The following GAP43 variants were observed in gnomAD, a reference collection of about 807,000 sequenced individuals.
GAP43 encodes growth associated protein 43, also known as neuromodulin.
A neutral mutation model predicts 18.6 loss-of-function variants in GAP43; 6 were observed. The ratio of observed to expected loss-of-function variants is 0.32; its 90% confidence interval spans 0.18 to 0.64. The LOEUF (loss-of-function observed/expected upper bound fraction) is 0.64, where lower values mean the gene tolerates loss of function less well. GAP43 is among the 30% of genes least tolerant of loss of function. GAP43 has a pLI of 0.78. For synonymous variants in GAP43, 115 were observed against 111.4 expected (o/e 1.03, Z -0.20); for missense variants, 292 against 295.5 (o/e 0.99, Z 0.09).
chr3:115,626,474 A>C (rs1708189733), intron 1 of GAP43, among the ~76,000 whole-genome samples: 1 of 152,186 alleles, frequency 6.6e-6, no homozygotes, highest in Admixed American at 6.5e-5. Flanking sequence ...GAAGAAGAGA[A>C]TGAGAGTGGG....
At chr3:115,627,480 C>G (rs1708204720) in intron 1 of GAP43, among the ~76,000 whole-genome samples, 1 of 151,638 alleles carries the variant, frequency 6.6e-6, no homozygotes, top group Non-Finnish European at 1.5e-5. Flanking sequence ...TCCTTTGCCT[C>G]TGTCATAGTG....
chr3:115,693,986 G>GA (rs1388326241), intron 2 of GAP43, among the ~76,000 whole-genome samples: 1 of 152,208 alleles, frequency 6.6e-6, no homozygotes, highest in Admixed American at 6.5e-5. Flanking sequence ...TATTAATGGA[G>GA]TTGAGCATCC....
chr3:115,666,514 T>C (rs1468253792), intron 1 of GAP43, among the ~76,000 whole-genome samples: 1 of 152,172 alleles, frequency 6.6e-6, no homozygotes, highest in East Asian at 1.9e-4. Context: ...GCAATAATTA[T>C]GATGAGAATA....
chr3:115,698,237 A>AAATATATATAATATATAATATATATAT, intron 2 of GAP43, among the ~76,000 whole-genome samples: 1 of 36,640 alleles, frequency 2.7e-5, no homozygotes, highest in African/African-American at 1.0e-4. Context: ...AATATATATA[A>AAATATATATAATATATAATATATATAT]AATATATATA....
At position 115,623,564 on chromosome 3, in the gene GAP43, G is replaced by C. The variant is rs1244068473; in HGVS notation, c.-126G>C. ...TGAGGGAGAGAGAGGGAGGGAGGGA[G>C]AGAGAGCGCGCTAGCGCGAGAGAGC... On this transcript the variant is annotated 5_prime_UTR_variant, in exon 1 of 3. Transcript: ENST00000305124. The C allele has an allele frequency of 1.6e-6, 2 of 1,251,378 alleles. No individual in the cohort carries two copies. Among genetic ancestry groups the C allele is most frequent in the Non-Finnish European group, 2.3e-6 (2 of 871,716 alleles). 77.5% of individuals were successfully genotyped at this position (1,251,378 alleles called of 1,614,324 possible).
In GAP43 at chr3:115,686,643, C is replaced by T. The variant is rs541760283; in HGVS notation, c.628+10033C>T. Reference sequence around the variant, plus strand: ...TATAAAATTCTCAAATCTTGGAACCCAAAATACTAAATTTTAGAATTTTCT... The same window carrying T: ...TATAAAATTCTCAAATCTTGGAACCTAAAATACTAAATTTTAGAATTTTCT... On this transcript the variant is annotated intron_variant, in intron 2 of 2. Transcript: ENST00000305124. 8.5e-5 allele frequency among the ~76,000 whole-genome samples: 13 copies of T among 152,114 alleles called. No homozygotes were observed. In the South Asian group the frequency reaches 2.7e-3, roughly 32 times the overall value.
chr3:115,666,510 A>AT (rs1302348421), intron 1 of GAP43, among the ~76,000 whole-genome samples: 3 of 152,186 alleles, frequency 2.0e-5, no homozygotes, highest in Non-Finnish European at 2.9e-5. Flanking sequence ...GATGGCAATA[A>AT]TTATGATGAG....
intron 1 of GAP43, among the ~76,000 whole-genome samples, chr3:115,640,499 A>G (rs898741022): frequency 1.3e-5 from 2 of 152,066 alleles, no homozygotes; most frequent in African/African-American, 4.8e-5. Flanking sequence ...AGGCTTTACT[A>G]TTAGGCTGTT....
intron 1 of GAP43, among the ~76,000 whole-genome samples, chr3:115,634,212 A>G (rs1055426955): frequency 2.0e-5 from 3 of 152,194 alleles, no homozygotes; most frequent in African/African-American, 7.2e-5. Context: ...GCAAACTCAG[A>G]AATCGGTTGC....
At chr3:115,717,803 A>G (rs1035241504) in intron 2 of GAP43, among the ~76,000 whole-genome samples, 8 of 152,184 alleles carry the variant, frequency 5.3e-5, no homozygotes, top group Admixed American at 5.2e-4. Context: ...AAATGAATAT[A>G]TATTGAGGCT....
At chr3:115,672,033 T>A (rs1406836722) in intron 1 of GAP43, among the ~76,000 whole-genome samples, 1 of 152,256 alleles carries the variant, frequency 6.6e-6, no homozygotes, top group Non-Finnish European at 1.5e-5. Flanking sequence ...ACTGAGTATT[T>A]TTAAGTGAAT....
chr3:115,697,101 A>G (rs1271102510), intron 2 of GAP43, among the ~76,000 whole-genome samples: 1 of 151,990 alleles, frequency 6.6e-6, no homozygotes, highest in East Asian at 1.9e-4. Context: ...GGCCTCCCAA[A>G]GTGCTGGGAT....
chr3:115,631,884 G>A lies in GAP43; in HGVS notation c.30+8165G>A, dbSNP rs368049511. On this transcript the variant is annotated intron_variant, in intron 1 of 2. Transcript: ENST00000305124. ...GATCCACCCACCTCGGCCTCTCAAA[G>A]TGTTGGGATTACAGGCATGAGCCGG... Among the ~76,000 whole-genome samples, 3 of 152,164 alleles carry A rather than the reference G, an allele frequency of 2.0e-5. No individual in the cohort carries two copies. The South Asian group carries it at 6.2e-4, about 32-fold the overall frequency.
chr3:115,653,429 G>C (rs933193264), intron 1 of GAP43, among the ~76,000 whole-genome samples: 1 of 152,070 alleles, frequency 6.6e-6, no homozygotes, highest in Non-Finnish European at 1.5e-5. Context: ...GCGACAGAGT[G>C]AGACTCTGTC....
intron 1 of GAP43, among the ~76,000 whole-genome samples, chr3:115,655,984 A>G (rs1274434953): frequency 1.3e-5 from 2 of 152,184 alleles, no homozygotes; most frequent in East Asian, 1.9e-4. Flanking sequence ...CATGCCTTTG[A>G]CACTAATGAT....
At chr3:115,693,136 C>G (rs985538080) in intron 2 of GAP43, among the ~76,000 whole-genome samples, 1 of 152,136 alleles carries the variant, frequency 6.6e-6, no homozygotes, top group Admixed American at 6.5e-5. Context: ...ATGGTGTCCT[C>G]GTCTTTTCAA....
In GAP43 at chr3:115,720,987, C is replaced by T. The variant is rs990195267; in HGVS notation, c.*105C>T. The T allele has an allele frequency of 1.9e-5, 11 of 584,838 alleles. No individual in the cohort carries two copies. Among genetic ancestry groups the T allele is most frequent in the Admixed American group, 8.4e-5 (3 of 35,840 alleles). The allele number at this position is 584,838 out of a possible 1,614,324, so 36.2% of individuals were successfully genotyped here. On this transcript the variant is annotated 3_prime_UTR_variant, in exon 3 of 3. Transcript: ENST00000305124. ...CTGAAGTCCCTTCCTGTCCTGCTCACGTCTGTGAGTCTGTCCTTTCCCACC... is the reference window on the plus strand; with the variant it reads ...CTGAAGTCCCTTCCTGTCCTGCTCATGTCTGTGAGTCTGTCCTTTCCCACC...
In GAP43 at chr3:115,628,375, CT is replaced by C. The variant is rs1708218245; in HGVS notation, c.30+4657del. Among the ~76,000 whole-genome samples, 5 of 152,158 alleles carry C rather than the reference CT, an allele frequency of 3.3e-5. No homozygotes were observed. The South Asian group carries it at 1.0e-3, about 32-fold the overall frequency. On this transcript the variant is annotated intron_variant, in intron 1 of 2. Transcript: ENST00000305124. ...TATCTTAAAAGATTCTCTCCTGACT[CT>C]ATGTCCCCATCTCTATAGTTCTCTG...
At chr3:115,670,641 TA>T (rs1437472371) in intron 1 of GAP43, among the ~76,000 whole-genome samples, 2 of 152,190 alleles carry the variant, frequency 1.3e-5, no homozygotes, top group Non-Finnish European at 2.9e-5. Context: ...CAATGATGCT[TA>T]AAAATAGAGT....
Sources: gnomAD v4.1 joint callset for allele counts (sites outside exome capture counted in the v4.1 genomes callset) on GRCh38, gnomAD v4.1.1 for gene constraint, MANE v1.5 for transcripts, NCBI Gene and HGNC (gene_info 2026-07-23, HGNC 2026-07-21) for gene names.